Variants in PTPRG observed in about 807,000 individuals in gnomAD.
PTPRG encodes receptor-type tyrosine-protein phosphatase gamma.
A neutral mutation model predicts 165.3 loss-of-function variants in PTPRG; 102 were observed. The observed-to-expected ratio is 0.62, with a 90% CI of 0.53 to 0.73. The LOEUF (loss-of-function observed/expected upper bound fraction) is 0.73. PTPRG is among the 30% of genes least tolerant of loss of function. PTPRG has a pLI of 0.00. For missense variants in PTPRG, 1,866 were observed against 1,861.4 expected (o/e 1.00, Z -0.05); for synonymous variants, 675 against 669.5 (o/e 1.01, Z -0.13).
intron 4 of PTPRG, among the ~76,000 whole-genome samples, chr3:62,036,967 A>G (rs946868310): frequency 4.1e-5 from 5 of 121,614 alleles, no homozygotes; most frequent in African/African-American, 6.6e-5. Flanking sequence ...TCAGTGCTGC[A>G]CGTGCGCGCG....
chr3:62,289,551 T>C (rs1001583231), intron 28 of PTPRG, among the ~76,000 whole-genome samples: 4 of 152,094 alleles, frequency 2.6e-5, no homozygotes, highest in Non-Finnish European at 5.9e-5. Flanking sequence ...TTACACATCA[T>C]GAAAAACTTA....
rs760163298 is a variant in PTPRG at position 62,213,487 on chromosome 3, G to A, written c.2156-5364G>A. Among the ~76,000 whole-genome samples the A allele has an allele frequency of 2.0e-5, 3 of 152,106 alleles. No individual in the cohort carries two copies. The highest frequency in any genetic ancestry group is 4.4e-5 in the Non-Finnish European group (3 of 68,024). ...TTACATAGTCTGTTTTCACACGGAC[G>A]ATCTTTTTTCATCCTCAGGACTCCC... On this transcript the variant is annotated intron_variant, in intron 12 of 29. Coordinates refer to ENST00000474889, the MANE Select transcript of PTPRG (RefSeq NM_002841.4). The surrounding 1 kb of genome is among the most constrained non-coding windows in gnomAD (Gnocchi z 4.4).
At chr3:61,786,715 G>A (rs558146997) in intron 2 of PTPRG, among the ~76,000 whole-genome samples, 3 of 151,926 alleles carry the variant, frequency 2.0e-5, no homozygotes, top group Non-Finnish European at 4.4e-5. Context: ...TTTTTAAGAC[G>A]CCAGAAATGA....
intron 8 of PTPRG, among the ~76,000 whole-genome samples, chr3:62,174,537 C>T (rs1167346749): frequency 6.6e-6 from 1 of 152,106 alleles, no homozygotes; most frequent in African/African-American, 2.4e-5. Context: ...AGGACATGTA[C>T]CACCGTGCAA....
chr3:62,017,586 T>G (rs2107751899), intron 4 of PTPRG, among the ~76,000 whole-genome samples: 1 of 84,276 alleles, frequency 1.2e-5, no homozygotes. Flanking sequence ...CGGCTAATTT[T>G]TTGTATTTTT....
At chr3:62,142,503 A>T (rs1446429410) in intron 6 of PTPRG, among the ~76,000 whole-genome samples, 1 of 152,158 alleles carries the variant, frequency 6.6e-6, no homozygotes, top group African/African-American at 2.4e-5. Context: ...GTTATATTTC[A>T]CAATCAAAGA....
intron 2 of PTPRG, among the ~76,000 whole-genome samples, chr3:61,862,124 A>G (rs1273915870): frequency 6.6e-6 from 1 of 152,098 alleles, no homozygotes; most frequent in Admixed American, 6.5e-5. Context: ...GTGGCATTAG[A>G]TTCTGACAGG....
chr3:61,709,179 G>A (rs1342824860), intron 1 of PTPRG, among the ~76,000 whole-genome samples: 1 of 152,208 alleles, frequency 6.6e-6, no homozygotes, highest in African/African-American at 2.4e-5. Context: ...TTGCCTACTG[G>A]GGATACAGCT....
chr3:61,570,618 G>A (rs1367756966), intron 1 of PTPRG, among the ~76,000 whole-genome samples: 1 of 152,154 alleles, frequency 6.6e-6, no homozygotes, highest in African/African-American at 2.4e-5. Context: ...CATGAATCCT[G>A]CAGTGCACTT....
At chr3:62,132,552 G>A in intron 5 of PTPRG, 50 bp from the exon 6 acceptor site, 1 of 1,408,246 alleles carries the variant, frequency 7.1e-7, no homozygotes, top group Non-Finnish European at 1.0e-6. Context: ...TGAGACTGTT[G>A]TGCCTGATGC....
chr3:61,761,942 T>C (rs569643300), intron 2 of PTPRG, among the ~76,000 whole-genome samples: 4 of 152,306 alleles, frequency 2.6e-5, no homozygotes, highest in Admixed American at 2.6e-4. Context: ...CTGATGTTCT[T>C]CTTTTTAGCA....
intron 1 of PTPRG, among the ~76,000 whole-genome samples, chr3:61,656,074 A>G (rs1337022343): frequency 6.8e-6 from 1 of 146,342 alleles, no homozygotes; most frequent in Non-Finnish European, 1.5e-5. Flanking sequence ...AAGAAAATAA[A>G]ATGAAAAAAT....
intron 1 of PTPRG, among the ~76,000 whole-genome samples, chr3:61,656,252 G>C (rs1490837508): frequency 6.6e-6 from 1 of 151,962 alleles, no homozygotes; most frequent in Non-Finnish European, 1.5e-5. Flanking sequence ...AAATAAATAA[G>C]AAAAACAAGA....
intron 2 of PTPRG, among the ~76,000 whole-genome samples, chr3:61,936,299 A>G (rs1038520387): frequency 5.3e-5 from 8 of 152,350 alleles, no homozygotes; most frequent in Middle Eastern, 3.4e-3. Context: ...TACTAGTTCT[A>G]TCCTCTTTAA....
intron 4 of PTPRG, among the ~76,000 whole-genome samples, chr3:62,004,706 G>T (rs2041254688): frequency 1.3e-5 from 2 of 152,180 alleles, no homozygotes; most frequent in South Asian, 4.1e-4. Flanking sequence ...CGAACCCCTG[G>T]TGTTTCAGTA....
intron 1 of PTPRG, among the ~76,000 whole-genome samples, chr3:61,743,491 G>A (rs1334643926): frequency 6.6e-6 from 1 of 151,052 alleles, no homozygotes; most frequent in Non-Finnish European, 1.5e-5. Flanking sequence ...GCTCAGGTTT[G>A]TCAGGCCATG....
At chr3:62,161,176 A>G (rs1704746839) in intron 7 of PTPRG, among the ~76,000 whole-genome samples, 1 of 152,146 alleles carries the variant, frequency 6.6e-6, no homozygotes, top group Non-Finnish European at 1.5e-5. Flanking sequence ...AGACTAGAAT[A>G]TGTATAAAGT....
chr3:62,165,390 G>A (rs1469100565), intron 7 of PTPRG, among the ~76,000 whole-genome samples: 1 of 152,190 alleles, frequency 6.6e-6, no homozygotes, highest in Non-Finnish European at 1.5e-5. Flanking sequence ...TGTCAAGTGA[G>A]TTCATATCAT....
chr3:61,858,939 G>A (rs2037187051), intron 2 of PTPRG, among the ~76,000 whole-genome samples: 1 of 152,100 alleles, frequency 6.6e-6, no homozygotes, highest in Non-Finnish European at 1.5e-5. Context: ...TTTTCTTCCT[G>A]TTTGAGTAAA....
Sources: allele counts gnomAD v4.1 joint callset (sites outside exome capture counted in the v4.1 genomes callset), GRCh38; gene constraint gnomAD v4.1.1; non-coding constraint Gnocchi (gnomAD v3.1); transcripts MANE v1.5; gene names NCBI Gene and HGNC (gene_info 2026-07-23, HGNC 2026-07-21).